EML5: variants seen among roughly 807,000 people sequenced by gnomAD.
EML5 encodes EMAP like 5.
In EML5, 120 loss-of-function variants were observed where a neutral mutation model predicts 250.0. The observed-to-expected ratio is 0.48, with a 90% CI of 0.41 to 0.56. The LOEUF (loss-of-function observed/expected upper bound fraction) is 0.56, where lower values mean the gene tolerates loss of function less well. Among genes scored for constraint, EML5 ranks in the 20% least tolerant of loss-of-function variants. EML5 has a pLI of 0.00. For synonymous variants in EML5, 771 were observed against 806.5 expected, an observed-to-expected ratio of 0.96 and a Z score of 0.75; for missense variants, 2,006 against 2,437.6, an observed-to-expected ratio of 0.82 and a Z score of 3.73.
chr14:88,663,408 G>T (rs1207837274), intron 23 of EML5, among the ~76,000 whole-genome samples: 1 of 151,978 alleles, frequency 6.6e-6, no homozygotes, highest in Non-Finnish European at 1.5e-5. Context: ...TTTTTAAAGT[G>T]TATCTGTTTA....
chr14:88,633,991 G>GC (rs1323328664), intron 33 of EML5, among the ~76,000 whole-genome samples: 1 of 151,992 alleles, frequency 6.6e-6, no homozygotes, highest in Non-Finnish European at 1.5e-5. Context: ...AAAAAAATCC[G>GC]CAAGTTTTTT....
chr14:88,733,402 C>T (rs528063804), intron 7 of EML5, among the ~76,000 whole-genome samples: 16 of 152,322 alleles, frequency 1.1e-4, no homozygotes, highest in African/African-American at 3.4e-4. Flanking sequence ...TTCTTTGAAG[C>T]TTTTAAGGTG....
intron 32 of EML5, among the ~76,000 whole-genome samples, chr14:88,637,197 G>T (rs1202186688): frequency 6.6e-6 from 1 of 152,058 alleles, no homozygotes; most frequent in Non-Finnish European, 1.5e-5. Context: ...ATCTTAATTA[G>T]TCACCAGTAA....
chr14:88,767,245 T>C lies in EML5; in HGVS notation c.198-12574A>G, dbSNP rs1213480299. Among the ~76,000 whole-genome samples the C allele has an allele frequency of 2.0e-5, 3 of 152,224 alleles. No homozygotes were observed. The East Asian group carries it at 5.8e-4, about 29-fold the overall frequency. On this transcript the variant is annotated intron_variant, in intron 1 of 43. Coordinates refer to ENST00000554922, the MANE Select transcript of EML5 (RefSeq NM_183387.3). ...AAAGTCTTTGCAGTGCTACCACATG[T>C]ACACACACCAAAGGGGCAAATCTGA...
At chr14:88,758,009 C>A (rs993481876) in intron 1 of EML5, among the ~76,000 whole-genome samples, 1 of 148,290 alleles carries the variant, frequency 6.7e-6, no homozygotes, top group Non-Finnish European at 1.5e-5. Flanking sequence ...GGTGCCACCA[C>A]ACCTGTCTAA....
chr14:88,753,600 TTAAAG>T (rs1030392584), intron 2 of EML5, among the ~76,000 whole-genome samples: 1 of 152,164 alleles, frequency 6.6e-6, no homozygotes, highest in African/African-American at 2.4e-5. Context: ...ACTGGTAACT[TTAAAG>T]TATTTTTAGG....
intron 1 of EML5, among the ~76,000 whole-genome samples, chr14:88,769,284 T>G (rs1479039265): frequency 1.3e-5 from 2 of 152,126 alleles, no homozygotes; most frequent in African/African-American, 4.8e-5. Flanking sequence ...GTTCTCATGA[T>G]AGTGAGTTCT....
intron 1 of EML5, among the ~76,000 whole-genome samples, chr14:88,757,936 G>A (rs1055407859): frequency 2.0e-5 from 3 of 150,986 alleles, no homozygotes; most frequent in South Asian, 4.2e-4. Flanking sequence ...CTGCAGCCTC[G>A]ACCTCCCATA....
chr14:88,766,935 A>G lies in EML5; in HGVS notation c.198-12264T>C, dbSNP rs532760173. Among the ~76,000 whole-genome samples, 6 of 152,332 alleles carry G rather than the reference A, an allele frequency of 3.9e-5. No individual in the cohort carries two copies. In the East Asian group the frequency reaches 9.6e-4, roughly 24 times the overall value. ...TGGTTTCCCCCGATAGCACACAGTT[A>G]TAACAAATGTTTTACATTCTTTCAT... On this transcript the variant is annotated intron_variant, in intron 1 of 43. Transcript: ENST00000554922.
chr14:88,662,288 A>C (rs1026999976), intron 24 of EML5, among the ~76,000 whole-genome samples: 1 of 148,454 alleles, frequency 6.7e-6, no homozygotes, highest in Non-Finnish European at 1.5e-5. Flanking sequence ...ATAAAAAATA[A>C]AAAAAAAAAG....
chr14:88,727,780 A>G (rs935024701), intron 7 of EML5, among the ~76,000 whole-genome samples: 1 of 152,134 alleles, frequency 6.6e-6, no homozygotes, highest in Admixed American at 6.6e-5. Flanking sequence ...AAAGGGAGAG[A>G]GTGTGTGTGT....
Position 88,687,856 on chromosome 14 carries a change from G to GCTT in EML5, c.2742+412_2742+414dup, listed in dbSNP as rs542467768. On this transcript the variant is annotated intron_variant, in intron 18 of 43. Transcript: ENST00000554922. ...CTTTGACGGCTGAGGTGGGAGAATA[G>GCTT]CTTAAGCCCAGGAGTTGGAGACTAC... Among the ~76,000 whole-genome samples the GCTT allele has an allele frequency of 2.0e-5, 3 of 152,230 alleles. No homozygotes were observed. The South Asian group carries it at 6.2e-4, about 32-fold the overall frequency.
At position 88,620,332 on chromosome 14, in the gene EML5, T is replaced by C. The variant is rs2088656173; in HGVS notation, c.5375+422A>G. The C allele has an allele frequency of 6.5e-6, 1 of 154,428 alleles. No homozygotes were observed. Among genetic ancestry groups the C allele is most frequent in the South Asian group, 2.1e-4 (1 of 4,862 alleles). 9.6% of individuals were successfully genotyped at this position (154,428 alleles called of 1,614,324 possible). A position where few individuals can be genotyped will look rare whatever the true frequency, so the allele number is the denominator to read the frequency against. ...TTTGGATTCTGGAACATTTAATCAA[T>C]AGGTATTGATTAAATTAATGAACTA... is the stretch of plus-strand genomic sequence containing the variant. On this transcript the variant is annotated intron_variant, in intron 39 of 43. Coordinates refer to ENST00000554922, the MANE Select transcript of EML5 (RefSeq NM_183387.3). The surrounding 1 kb of genome is among the most constrained non-coding windows in gnomAD (Gnocchi z 4.3).
At chr14:88,703,142 A>G (rs2093249058) in intron 13 of EML5, among the ~76,000 whole-genome samples, 1 of 152,202 alleles carries the variant, frequency 6.6e-6, no homozygotes, top group South Asian at 2.1e-4. Flanking sequence ...ATACTGAGTG[A>G]AAAAAACAAG....
chr14:88,736,428 A>T lies in EML5; in HGVS notation c.985T>A (p.Trp329Arg). 1 of 1,614,068 alleles carries T rather than the reference A, an allele frequency of 6.2e-7. No individual in the cohort carries two copies. Reference sequence around the variant, plus strand: ...TTAGTAGGATGGACAGCAAGTGCCCAAAGTTCACCTTCACAATGCCCTTGC... The same window carrying T: ...TTAGTAGGATGGACAGCAAGTGCCCTAAGTTCACCTTCACAATGCCCTTGC... ...IMQGHCEGEL[W>R]ALAVHPTKPL... Residue 329 changes from tryptophan to arginine, a missense_variant, in exon 7 of 44, where the codon TGG (tryptophan) becomes AGG (arginine). Trp to Arg is a moderately radical substitution (Grantham distance 101). This residue lies in a region of EML5 where 1,375 missense variants were observed against 1,590.3 expected (regional missense o/e 0.86). Coordinates refer to ENST00000554922, the MANE Select transcript of EML5 (RefSeq NM_183387.3).
Position 88,615,600 on chromosome 14 carries a change from A to G in EML5, c.*218T>C, listed in dbSNP as rs2087470202. ...CCATCAAGTATTCGATCCTTCCTTGAAATGGCATTATCTGGCAGTGTATGG... is the reference window on the plus strand; with the variant it reads ...CCATCAAGTATTCGATCCTTCCTTGGAATGGCATTATCTGGCAGTGTATGG... On this transcript the variant is annotated 3_prime_UTR_variant, in exon 44 of 44. Transcript: ENST00000554922. The G allele has an allele frequency of 2.1e-6, 1 of 485,170 alleles. No homozygotes were observed. Among genetic ancestry groups the G allele is most frequent in the Admixed American group, 3.9e-5 (1 of 25,902 alleles). The allele number at this position is 485,170 out of a possible 1,614,324, so 30.1% of individuals were successfully genotyped here.
intron 18 of EML5, 110 bp downstream of exon 18, chr14:88,688,161 T>A: frequency 9.7e-7 from 1 of 1,027,180 alleles, no homozygotes; most frequent in South Asian, 1.5e-5. Flanking sequence ...GCCCACAGAC[T>A]ACTGCTGGAT....
At chr14:88,645,082 C>T (rs967766990) in intron 29 of EML5, among the ~76,000 whole-genome samples, 7 of 151,522 alleles carry the variant, frequency 4.6e-5, no homozygotes, top group African/African-American at 1.7e-4. Flanking sequence ...GCTGGAGTGC[C>T]GTGGCACATT....
rs527837701 is a variant in EML5 at position 88,715,113 on chromosome 14, C to A, written c.1270G>T (p.Ala424Ser). 5 of 1,613,416 alleles carry A rather than the reference C, an allele frequency of 3.1e-6. No individual in the cohort carries two copies. The East Asian group carries it at 8.9e-5, about 29-fold the overall frequency. ...LKYSPDGTYL[A>S]VGCNDSSVDI... ...ACCGAGCTGTCATTGCATCCAACAG[C>A]AAGGTAAGTTCCATCTGGTGAATAT... The change falls in exon 9 of 44, where the codon GCT becomes TCT. Residue 424 changes from alanine to serine, a missense_variant. By Grantham distance (99) the Ala-to-Ser change is moderately conservative (BLOSUM62 1). This residue lies in a region of EML5 where 1,375 missense variants were observed against 1,590.3 expected (regional missense o/e 0.86). Transcript: ENST00000554922.
Sources: gnomAD v4.1 joint callset for allele counts (sites outside exome capture counted in the v4.1 genomes callset) on GRCh38, gnomAD v4.1.1 for gene constraint, gnomAD v4.1.1 regional missense constraint, Gnocchi (gnomAD v3.1) non-coding constraint, MANE v1.5 for transcripts, NCBI Gene and HGNC (gene_info 2026-07-23, HGNC 2026-07-21) for gene names.